HPSE: variants seen among roughly 807,000 people sequenced by gnomAD.
HPSE encodes the protein endo-glucoronidase.
Under a neutral mutation model 65.1 loss-of-function variants are expected in HPSE, and 48 were observed. The observed-to-expected ratio is 0.74, with a 90% CI of 0.58 to 0.94. HPSE has a LOEUF of 0.94. HPSE is among the 40% of genes least tolerant of loss of function. HPSE has a pLI of 0.00. For synonymous variants in HPSE, 243 were observed against 260.0 expected (o/e 0.93, Z 0.63); for missense variants, 644 against 637.5 (o/e 1.01, Z -0.11).
intron 3 of HPSE, 161 bp downstream of exon 3, chr4:83,319,183 C>T (rs7441443): frequency 4.3e-6 from 3 of 696,484 alleles, no homozygotes; most frequent in Admixed American, 2.7e-5. Context: ...AAAAAAAAAA[C>T]CAAAAAGCAA....
intron 10 of HPSE, among the ~76,000 whole-genome samples, chr4:83,301,734 A>G (rs966373441): frequency 2.0e-5 from 3 of 152,168 alleles, no homozygotes; most frequent in Non-Finnish European, 4.4e-5. Context: ...AATATTCCTG[A>G]GATTTAGGAA....
At chr4:83,299,349 G>T (rs1735847994) in intron 11 of HPSE, among the ~76,000 whole-genome samples, 1 of 107,592 alleles carries the variant, frequency 9.3e-6, no homozygotes, top group Non-Finnish European at 1.7e-5. Flanking sequence ...GGACAACAGA[G>T]TGAGACTCTG....
intron 8 of HPSE, 123 bp from the exon 9 acceptor site, chr4:83,306,440 G>A: frequency 1.8e-6 from 1 of 556,508 alleles, no homozygotes; most frequent in Admixed American, 3.0e-5. Context: ...TTTAGAGACA[G>A]GGTCTCACTC....
chr4:83,305,830 CAT>C (rs1357589647), intron 9 of HPSE, among the ~76,000 whole-genome samples: 1 of 152,114 alleles, frequency 6.6e-6, no homozygotes, highest in Non-Finnish European at 1.5e-5. Context: ...AATTTCATAA[CAT>C]AAAAAATGTT....
intron 3 of HPSE, among the ~76,000 whole-genome samples, chr4:83,318,324 A>G (rs1206255695): frequency 6.6e-6 from 1 of 152,068 alleles, no homozygotes; most frequent in South Asian, 2.1e-4. Context: ...AATATATTTC[A>G]TAGTTAAAAA....
At chr4:83,308,331 G>A (rs771711786) in intron 8 of HPSE, among the ~76,000 whole-genome samples, 1 of 152,068 alleles carries the variant, frequency 6.6e-6, no homozygotes, top group Non-Finnish European at 1.5e-5. Flanking sequence ...GCTTCAATCC[G>A]GGAGGCAGAG....
intron 1 of HPSE, among the ~76,000 whole-genome samples, chr4:83,323,110 G>A (rs1052127635): frequency 1.6e-4 from 25 of 152,132 alleles, no homozygotes; most frequent in East Asian, 1.2e-3. Flanking sequence ...AAAATAGATC[G>A]TCCGAAACTA....
At chr4:83,305,871 T>C (rs924050363) in intron 9 of HPSE, among the ~76,000 whole-genome samples, 10 of 152,238 alleles carry the variant, frequency 6.6e-5, no homozygotes, top group Non-Finnish European at 1.0e-4. Flanking sequence ...TAGGCAATTA[T>C]AACTTTGATT....
chr4:83,301,246 A>G, intron 10 of HPSE, 140 bp from the exon 11 acceptor site: 1 of 520,118 alleles, frequency 1.9e-6, no homozygotes, highest in Non-Finnish European at 3.3e-6. Flanking sequence ...CCATAATGAC[A>G]GTGGGCCCTC....
rs749615231 is a variant in HPSE, at chr4:83,308,870, A to G, written c.1066T>C (p.Ser356Pro). The change falls in exon 8 of 12, where the codon TCC (serine) becomes CCC (proline). Residue 356 changes from serine to proline, a missense_variant. Physicochemically the swap from Ser to Pro is moderately conservative, Grantham distance 74. Transcript: ENST00000311412. The part of the protein sequence containing the change: ...SAYGGGAPLL[S>P]DTFAAGFMWL... ...ATAAAGCCAGCTGCAAAGGTGTCGG[A>G]TAGCAAGGGCGCTCCGCCTCCATAT... The G allele has an allele frequency of 6.2e-7, 1 of 1,613,910 alleles. No individual in the cohort carries two copies.
At chr4:83,324,127 T>C (rs1484299744) in intron 1 of HPSE, among the ~76,000 whole-genome samples, 1 of 141,744 alleles carries the variant, frequency 7.1e-6, no homozygotes. Context: ...TTTTTTTTTT[T>C]TTTTTTTTTT....
At chr4:83,334,983 C>T (rs1345441890), upstream of HPSE, 4 of 818,092 alleles carry the variant, frequency 4.9e-6, no homozygotes, top group East Asian at 3.0e-5. Flanking sequence ...AACCCCGCCC[C>T]GCCTGCCCGG....
In HPSE at chr4:83,302,247, A is replaced by G. The variant is rs766804410; in HGVS notation, c.1228T>C (p.Phe410Leu). Reference sequence around the variant, plus strand: ...ACCTTGGTGCCCACCAATTTCTTGAACAGAAGAGATAGCCAATAATCCTAG... The same window carrying G: ...ACCTTGGTGCCCACCAATTTCTTGAGCAGAAGAGATAGCCAATAATCCTAG... ...PLPDYWLSLL[F>L]KKLVGTKVLM... The change falls in exon 10 of 12, where the codon TTC becomes CTC. Residue 410 changes from phenylalanine (F) to leucine (L), a missense_variant. Phe to Leu is a conservative substitution (Grantham distance 22). Coordinates refer to ENST00000311412, the MANE Select transcript of HPSE (RefSeq NM_001098540.3). The G allele has an allele frequency of 6.2e-7, 1 of 1,613,058 alleles. No homozygotes were observed. Among genetic ancestry groups the G allele is most frequent in the Non-Finnish European group, 8.5e-7 (1 of 1,179,108 alleles).
At chr4:83,300,057 C>G (rs898888392) in intron 11 of HPSE, among the ~76,000 whole-genome samples, 2 of 152,128 alleles carry the variant, frequency 1.3e-5, no homozygotes, top group South Asian at 4.1e-4. Flanking sequence ...GGAACTCCTT[C>G]CAACATACAT....
chr4:83,297,766 G>C (rs1735787552), intron 11 of HPSE, among the ~76,000 whole-genome samples: 1 of 152,170 alleles, frequency 6.6e-6, no homozygotes, highest in African/African-American at 2.4e-5. Flanking sequence ...TTAAAAGCCT[G>C]TATCACCTCA....
At chr4:83,322,789 TTGTGTGTGTGTG>T (rs386400677) in intron 1 of HPSE, among the ~76,000 whole-genome samples, 3,982 of 103,958 alleles carry the variant, frequency 0.038, 175 homozygotes, top group African/African-American at 0.14. Flanking sequence ...AAGAGCTTGT[TTGTGTGTGTGTG>T]TGTGTGTGTG....
intron 1 of HPSE, among the ~76,000 whole-genome samples, chr4:83,322,811 GTGTGTGTGTGTGTGTGTGTGTGTGTGTT>G (rs1200549887): frequency 1.4e-5 from 2 of 146,990 alleles, no homozygotes; most frequent in African/African-American, 2.5e-5. Flanking sequence ...GTGTGTGTGT[GTGTGTGTGTGTGTGTGTGTGTGTGTGTT>G]TGTGTGTGGA....
chr4:83,325,765 G>T (rs938767926), intron 1 of HPSE, among the ~76,000 whole-genome samples: 1 of 152,188 alleles, frequency 6.6e-6, no homozygotes, highest in Non-Finnish European at 1.5e-5. Flanking sequence ...TTTTTCAGGG[G>T]AAATGGTTTC....
rs189398519 is a variant in HPSE, at chr4:83,296,961, C to T, written c.1473-1458G>A. Among the ~76,000 whole-genome samples the T allele has an allele frequency of 1.1e-3, 170 of 152,230 alleles. 1 individual carries two copies. The highest frequency in any genetic ancestry group is 8.3e-4 in the South Asian group (4 of 4,822). On this transcript the variant is annotated intron_variant, in intron 11 of 11. Transcript: ENST00000311412. Reference sequence around the variant, plus strand: ...TGCCACATAAGGATGTTTTGGTCCACCATGGACCGCATATATAAGTGTGGT... The same window carrying T: ...TGCCACATAAGGATGTTTTGGTCCATCATGGACCGCATATATAAGTGTGGT...
Sources: gnomAD v4.1 joint callset for allele counts (sites outside exome capture counted in the v4.1 genomes callset) on GRCh38, gnomAD v4.1.1 for gene constraint, MANE v1.5 for transcripts, NCBI Gene and HGNC (gene_info 2026-07-23, HGNC 2026-07-21) for gene names.